Variants in DIAPH2 observed in about 807,000 individuals in gnomAD.
DIAPH2 encodes the protein protein diaphanous homolog 2.
Under a neutral mutation model 92.7 loss-of-function variants are expected in DIAPH2, and 35 were observed. The observed-to-expected ratio is 0.38, with a 90% CI of 0.29 to 0.50. DIAPH2 has a LOEUF of 0.50. DIAPH2 is among the 20% of genes least tolerant of loss of function. The probability of loss-of-function intolerance (pLI) is 0.94; values close to 1 mark genes in which losing one functional copy is unlikely to be tolerated. For missense variants in DIAPH2, 701 were observed against 819.5 expected, an observed-to-expected ratio of 0.86 and a Z score of 1.77; for synonymous variants, 301 against 280.4, an observed-to-expected ratio of 1.07 and a Z score of -0.73.
intron 17 of DIAPH2, among the ~76,000 whole-genome samples, chrX:96,982,843 A>G (rs1458302518): frequency 1.8e-5 from 2 of 112,090 alleles, no homozygotes; most frequent in African/African-American, 3.2e-5. Flanking sequence ...TTCATTTTTA[A>G]CATTTTCGTA....
At chrX:96,755,602 G>A (rs1045108213) in intron 3 of DIAPH2, among the ~76,000 whole-genome samples, 2 of 110,081 alleles carry the variant, frequency 1.8e-5, no homozygotes, top group Admixed American at 9.6e-5. Flanking sequence ...GCAGTGAGCC[G>A]AGATCGCGCC....
intron 3 of DIAPH2, among the ~76,000 whole-genome samples, chrX:96,747,543 G>T (rs978899489): frequency 3.6e-5 from 4 of 111,842 alleles, no homozygotes; most frequent in African/African-American, 1.3e-4. Context: ...ATAGTTATAT[G>T]CAATAAATAC....
rs1418244048 is a variant in DIAPH2 at position 97,365,705 on chromosome X, GTTTGT to G, written c.3009+17437_3009+17441del. ...TTCTTTTTTTTTTCATTTTTTTTTT[GTTTGT>G]TTTGTTTTGTTCTGTGATGGAGTCT... On this transcript the variant is annotated intron_variant, in intron 24 of 26. Coordinates refer to ENST00000324765, the MANE Select transcript of DIAPH2 (RefSeq NM_006729.5). Among the ~76,000 whole-genome samples, 5 of 74,368 alleles carry G rather than the reference GTTTGT, an allele frequency of 6.7e-5. No homozygotes were observed. The East Asian group carries it at 1.5e-3, about 23-fold the overall frequency. The allele number at this position is 74,368 out of a possible 115,157, so 64.6% of individuals were successfully genotyped here.
In DIAPH2 at chrX:97,254,697, T is replaced by A. The variant is rs751589888; in HGVS notation, c.2844+6858T>A. Among the ~76,000 whole-genome samples, 544 of 108,397 alleles carry A rather than the reference T, an allele frequency of 5.0e-3. 2 individuals are homozygous for A. The highest frequency in any genetic ancestry group is 0.017 in the African/African-American group (513 of 29,326). 94.1% of individuals were successfully genotyped at this position (108,397 alleles called of 115,157 possible). On this transcript the variant is annotated intron_variant, in intron 23 of 26. Coordinates refer to ENST00000324765, the MANE Select transcript of DIAPH2 (RefSeq NM_006729.5). ...TACTATTACTAACTTTATTTTATTT[T>A]ATTTATTTTATTTTATTTTATTTTA...
At chrX:97,580,136 T>A (rs1304405089) in intron 26 of DIAPH2, among the ~76,000 whole-genome samples, 3 of 110,034 alleles carry the variant, frequency 2.7e-5, no homozygotes, top group Non-Finnish European at 5.7e-5. Flanking sequence ...TGACTTCCTC[T>A]TTTCCTACTT....
At chrX:97,534,108 A>AAAG (rs1556203159) in intron 26 of DIAPH2, among the ~76,000 whole-genome samples, 5 of 109,224 alleles carry the variant, frequency 4.6e-5, no homozygotes, top group Admixed American at 3.0e-4. Context: ...TGCTTAAAAA[A>AAAG]AAAGCATTTT....
chrX:96,687,807 G>GT (rs1384187754), intron 1 of DIAPH2, among the ~76,000 whole-genome samples: 2 of 111,349 alleles, frequency 1.8e-5, no homozygotes, highest in Non-Finnish European at 3.8e-5. Context: ...ATTCACTTCA[G>GT]TTTTTTTCAT....
intron 24 of DIAPH2, among the ~76,000 whole-genome samples, chrX:97,364,089 T>A (rs989951677): frequency 8.9e-6 from 1 of 111,956 alleles, no homozygotes; most frequent in Non-Finnish European, 1.9e-5. Context: ...GCAACATGGC[T>A]AGCTGATAGA....
At chrX:97,430,134 A>G (rs1039901063) in intron 26 of DIAPH2, among the ~76,000 whole-genome samples, 8 of 112,236 alleles carry the variant, frequency 7.1e-5, no homozygotes, top group Non-Finnish European at 1.9e-5. Context: ...GGAAACTGAG[A>G]CAATGCTTGT....
At chrX:97,399,934 G>A (rs2069739035) in intron 25 of DIAPH2, among the ~76,000 whole-genome samples, 1 of 112,157 alleles carries the variant, frequency 8.9e-6, no homozygotes, top group Non-Finnish European at 1.9e-5. Context: ...TAATTTTTAG[G>A]AGCATCCTAG....
At chrX:96,816,335 A>G (rs1356659183) in intron 4 of DIAPH2, among the ~76,000 whole-genome samples, 1 of 112,025 alleles carries the variant, frequency 8.9e-6, no homozygotes, top group Non-Finnish European at 1.9e-5. Flanking sequence ...ATTCTTTTGG[A>G]TCAATACCTA....
At chrX:97,578,140 C>A (rs2071410952) in intron 26 of DIAPH2, among the ~76,000 whole-genome samples, 1 of 104,697 alleles carries the variant, frequency 9.6e-6, no homozygotes, top group African/African-American at 3.5e-5. Flanking sequence ...AGTTTATTGG[C>A]ACTGCATATT....
chrX:97,399,039 C>A (rs993591617), intron 25 of DIAPH2, among the ~76,000 whole-genome samples: 1 of 111,257 alleles, frequency 9.0e-6, no homozygotes, highest in African/African-American at 3.3e-5. Context: ...CCATTGCACC[C>A]GGCCGGATGT....
intron 26 of DIAPH2, among the ~76,000 whole-genome samples, chrX:97,437,194 C>A (rs2070195965): frequency 9.0e-6 from 1 of 111,580 alleles, no homozygotes; most frequent in Non-Finnish European, 1.9e-5. Context: ...CTTCTTTCTC[C>A]CTGAAGATAA....
chrX:96,731,985 A>G (rs1383531863), intron 1 of DIAPH2, among the ~76,000 whole-genome samples: 1 of 111,295 alleles, frequency 9.0e-6, no homozygotes, highest in Non-Finnish European at 1.9e-5. Flanking sequence ...ATTCAGGGGT[A>G]TGACTCTAAT....
chrX:96,923,630 G>C (rs1251772820), intron 9 of DIAPH2, among the ~76,000 whole-genome samples: 3 of 111,522 alleles, frequency 2.7e-5, no homozygotes, highest in Non-Finnish European at 3.8e-5. Flanking sequence ...GGAAGGTTGG[G>C]AGAGAGTTTA....
rs145012176 is a variant in DIAPH2, at chrX:96,824,647, A to G, written c.448-56932A>G. On this transcript the variant is annotated intron_variant, in intron 4 of 26. Coordinates refer to ENST00000324765, the MANE Select transcript of DIAPH2 (RefSeq NM_006729.5). ...CCCTCAAAGTGTTTTTGATTTTCTC[A>G]AAAGACCAATCTCAGGAGCTATTTA... Among the ~76,000 whole-genome samples the G allele has an allele frequency of 2.7e-5, 3 of 111,805 alleles. No individual in the cohort carries two copies. The East Asian group carries it at 8.4e-4, about 31-fold the overall frequency.
At chrX:97,242,904 A>G (rs1053645249) in intron 22 of DIAPH2, among the ~76,000 whole-genome samples, 1 of 109,769 alleles carries the variant, frequency 9.1e-6, no homozygotes, top group Non-Finnish European at 1.9e-5. Flanking sequence ...CTCCTGCCTC[A>G]GCCTCCCGAG....
chrX:97,488,956 G>A (rs755741245), intron 26 of DIAPH2, among the ~76,000 whole-genome samples: 9 of 111,752 alleles, frequency 8.1e-5, no homozygotes, highest in Admixed American at 1.9e-4. Flanking sequence ...TGAATTTTAC[G>A]ATGGGTTTTT....
Sources: gnomAD v4.1 joint callset for allele counts (sites outside exome capture counted in the v4.1 genomes callset) on GRCh38, gnomAD v4.1.1 for gene constraint, MANE v1.5 for transcripts, NCBI Gene and HGNC (gene_info 2026-07-23, HGNC 2026-07-21) for gene names.